Variants in ME1 observed in about 807,000 individuals in gnomAD.
ME1 encodes NADP-dependent malic enzyme.
ME1 carries 74 observed loss-of-function variants against 66.4 expected under a neutral mutation model. The ratio of observed to expected loss-of-function variants is 1.11; its 90% CI spans 0.92 to 1.35. ME1 has a LOEUF of 1.35. ME1 is among the 40% of genes most tolerant of loss of function. The pLI, the probability that ME1 is intolerant of heterozygous loss-of-function variation, is 0.00. For synonymous variants in ME1, 251 were observed against 235.6 expected (o/e 1.07, Z -0.60); for missense variants, 750 against 694.1 (o/e 1.08, Z -0.90).
chr6:83,430,801 G>GT, intron 1 of ME1, 76 bp downstream of exon 1: 1 of 1,304,592 alleles, frequency 7.7e-7, no homozygotes, highest in Non-Finnish European at 1.1e-6. Context: ...CGAGGCCATG[G>GT]TGCGGGGACC....
At chr6:83,407,561 G>A (rs1162534817) in intron 2 of ME1, among the ~76,000 whole-genome samples, 4 of 152,118 alleles carry the variant, frequency 2.6e-5, no homozygotes, top group East Asian at 1.9e-4. Context: ...GTCTGAGCAC[G>A]CAGTTTAGAA....
At chr6:83,414,723 G>C (rs1465685746) in intron 1 of ME1, among the ~76,000 whole-genome samples, 1 of 152,120 alleles carries the variant, frequency 6.6e-6, no homozygotes, top group African/African-American at 2.4e-5. Context: ...GATCGTTATA[G>C]ATTCTTTGTA....
intron 7 of ME1, among the ~76,000 whole-genome samples, chr6:83,245,032 A>G (rs1790592457): frequency 6.6e-6 from 1 of 152,154 alleles, no homozygotes; most frequent in Non-Finnish European, 1.5e-5. Flanking sequence ...TCAGGGCTGA[A>G]GATGGATGGC....
chr6:83,340,147 T>C (rs144136953), intron 5 of ME1, among the ~76,000 whole-genome samples: 1 of 152,184 alleles, frequency 6.6e-6, no homozygotes, highest in African/African-American at 2.4e-5. Flanking sequence ...CTGAGTGCTA[T>C]AATTTGACCA....
chr6:83,372,192 TCTC>T (rs1769202893), intron 3 of ME1, among the ~76,000 whole-genome samples: 1 of 152,100 alleles, frequency 6.6e-6, no homozygotes, highest in Admixed American at 6.5e-5. Context: ...GTCGATGTCT[TCTC>T]CTTAATTTCA....
chr6:83,225,819 TATA>T (rs1790188968), intron 11 of ME1, among the ~76,000 whole-genome samples: 1 of 100,012 alleles, frequency 1.0e-5, no homozygotes, highest in Non-Finnish European at 1.8e-5. Context: ...TATATATATA[TATA>T]TATATATATA....
At chr6:83,277,372 T>A (rs1767202216) in intron 6 of ME1, among the ~76,000 whole-genome samples, 1 of 152,196 alleles carries the variant, frequency 6.6e-6, no homozygotes, top group Non-Finnish European at 1.5e-5. Flanking sequence ...ACCCCCAGTT[T>A]AATTAGAACT....
At chr6:83,239,408 A>G (rs1161546005) in intron 8 of ME1, 131 bp downstream of exon 8, 1 of 541,336 alleles carries the variant, frequency 1.8e-6, no homozygotes, top group African/African-American at 1.9e-5. Flanking sequence ...TTAATTTGGG[A>G]ATCTTCCATA....
At chr6:83,255,369 T>C (rs1339663218) in intron 6 of ME1, among the ~76,000 whole-genome samples, 3 of 151,980 alleles carry the variant, frequency 2.0e-5, no homozygotes, top group Admixed American at 6.6e-5. Context: ...TGCCATTAAT[T>C]ATTTAGACAG....
intron 6 of ME1, among the ~76,000 whole-genome samples, chr6:83,288,123 T>C (rs945525597): frequency 6.6e-6 from 1 of 152,202 alleles, no homozygotes; most frequent in Non-Finnish European, 1.5e-5. Flanking sequence ...ACTCTGATAA[T>C]AGTTTCTTTT....
chr6:83,257,306 A>G (rs1168479156), intron 6 of ME1, among the ~76,000 whole-genome samples: 3 of 152,044 alleles, frequency 2.0e-5, no homozygotes, highest in Non-Finnish European at 4.4e-5. Flanking sequence ...AACAAAAATA[A>G]TCCCAGTTTA....
At chr6:83,340,161 T>C (rs999709239) in intron 5 of ME1, among the ~76,000 whole-genome samples, 17 of 152,190 alleles carry the variant, frequency 1.1e-4, no homozygotes, top group African/African-American at 4.1e-4. Context: ...TTGACCACAG[T>C]ATTTTTTAGT....
intron 12 of ME1, 25 bp from the exon 13 acceptor site, chr6:83,216,621 A>G (rs777609817): frequency 7.3e-6 from 11 of 1,510,050 alleles, no homozygotes; most frequent in Non-Finnish European, 8.1e-6. Context: ...AAAGAAAAAA[A>G]GTGTTTATAC....
At chr6:83,240,508 G>GTT (rs951586907) in intron 7 of ME1, among the ~76,000 whole-genome samples, 47 of 152,066 alleles carry the variant, frequency 3.1e-4, no homozygotes, top group African/African-American at 1.1e-3. Flanking sequence ...TCACAAAGCA[G>GTT]TTCTCTTGCT....
At chr6:83,407,193 G>A (rs189152216) in intron 2 of ME1, among the ~76,000 whole-genome samples, 1 of 152,276 alleles carries the variant, frequency 6.6e-6, no homozygotes, top group Non-Finnish European at 1.5e-5. Flanking sequence ...AAGAAAGAGT[G>A]GAGTCAAAAA....
intron 1 of ME1, among the ~76,000 whole-genome samples, chr6:83,427,975 G>A (rs1465938198): frequency 6.7e-6 from 1 of 150,266 alleles, no homozygotes; most frequent in Non-Finnish European, 1.5e-5. Context: ...TCACACCACT[G>A]CACTCCAGCC....
At chr6:83,250,439 G>A (rs542389893) in intron 7 of ME1, among the ~76,000 whole-genome samples, 2 of 152,204 alleles carry the variant, frequency 1.3e-5, no homozygotes, top group South Asian at 2.1e-4. Flanking sequence ...GCTAGTAAAG[G>A]GCAAAGCAAA....
At chr6:83,407,431 G>A (rs1483176692) in intron 2 of ME1, among the ~76,000 whole-genome samples, 1 of 152,216 alleles carries the variant, frequency 6.6e-6, no homozygotes, top group African/African-American at 2.4e-5. Flanking sequence ...CTAGAAAAGT[G>A]TGCTTTCAAC....
chr6:83,352,184 A>G, intron 3 of ME1, 45 bp from the exon 4 acceptor site: 2 of 1,293,144 alleles, frequency 1.5e-6, no homozygotes, highest in Non-Finnish European at 2.1e-6. Context: ...CATTTACTTC[A>G]GGCCTGTCAA....
Sources: allele counts gnomAD v4.1 joint callset (sites outside exome capture counted in the v4.1 genomes callset), GRCh38; gene constraint gnomAD v4.1.1; transcripts MANE v1.5; gene names NCBI Gene and HGNC (gene_info 2026-07-23, HGNC 2026-07-21).